The following ARHGAP23 variants were observed in gnomAD, a reference collection of about 807,000 sequenced individuals.
ARHGAP23 encodes rho GTPase-activating protein 23.
Under a neutral mutation model 136.3 loss-of-function variants are expected in ARHGAP23, and 34 were observed. The observed-to-expected ratio is 0.25, with a 90% CI of 0.19 to 0.33. The LOEUF (loss-of-function observed/expected upper bound fraction) is 0.33, where lower values mean the gene tolerates loss of function less well. ARHGAP23 is among the 10% of genes least tolerant of loss of function. The pLI is 1.00. For synonymous variants in ARHGAP23, 832 were observed against 920.5 expected (o/e 0.90, Z 1.74); for missense variants, 1,808 against 2,139.0 (o/e 0.85, Z 3.05).
At position 38,455,509 on chromosome 17, in the gene ARHGAP23, C is replaced by G. The variant is rs945522780; in HGVS notation, c.64-2593C>G. ...CAGGCCCTCCCAGGGAGCAGCCCCC[C>G]CAGGCAGCTGGCAGCTCCAGGCAGG... is the stretch of plus-strand genomic sequence containing the variant. On this transcript the variant is annotated intron_variant, in intron 1 of 23. Coordinates refer to ENST00000622683, the MANE Select transcript of ARHGAP23 (RefSeq NM_001199417.2). 9.8e-5 allele frequency among the ~76,000 whole-genome samples: 15 copies of G among 152,328 alleles called. No homozygotes were observed. In the East Asian group the frequency reaches 1.7e-3, roughly 18 times the overall value.
At chr17:38,457,843 G>T in intron 1 of ARHGAP23, 1 of 571,546 alleles carries the variant, frequency 1.7e-6, no homozygotes, top group Non-Finnish European at 3.1e-6. Flanking sequence ...ACTTGCTTCA[G>T]TGAGTTATTT....
chr17:38,449,030 G>A (rs1258235390), intron 1 of ARHGAP23, among the ~76,000 whole-genome samples: 1 of 152,098 alleles, frequency 6.6e-6, no homozygotes, highest in Admixed American at 6.6e-5. Context: ...TGTTGCCCAG[G>A]CTGGTCTTGA....
intron 18 of ARHGAP23, 114 bp downstream of exon 18, chr17:38,490,289 C>T (rs2040246666): frequency 2.5e-6 from 3 of 1,215,034 alleles, no homozygotes; most frequent in Non-Finnish European, 1.2e-6. Context: ...TGGAGAAGCC[C>T]CGCTCCACTC....
At chr17:38,507,256 CAG>C (rs1238798747) in intron 23 of ARHGAP23, among the ~76,000 whole-genome samples, 2 of 132,184 alleles carry the variant, frequency 1.5e-5, no homozygotes, top group African/African-American at 3.0e-5. Flanking sequence ...GCCTGGGTGA[CAG>C]AGGGAGACTC....
intron 23 of ARHGAP23, among the ~76,000 whole-genome samples, chr17:38,505,296 C>T (rs1462645593): frequency 3.9e-5 from 6 of 151,920 alleles, no homozygotes; most frequent in Non-Finnish European, 5.9e-5. Flanking sequence ...GCATGAGCCA[C>T]GGCACCCCAC....
chr17:38,479,702 G>A (rs1251035356), intron 13 of ARHGAP23, 51 bp from the exon 14 acceptor site: 1 of 1,461,210 alleles, frequency 6.8e-7, no homozygotes. Flanking sequence ...TGGGTGGCCT[G>A]CTTGGCCACC....
intron 23 of ARHGAP23, chr17:38,501,084 G>A (rs2040508188): frequency 6.5e-6 from 1 of 154,020 alleles, no homozygotes. Context: ...AGAGCCTAAA[G>A]CAAGCAGAAG....
chr17:38,425,057 G>A (rs148147979), upstream of ARHGAP23, among the ~76,000 whole-genome samples: 3 of 152,132 alleles, frequency 2.0e-5, no homozygotes, highest in South Asian at 2.1e-4. Flanking sequence ...TTTGCTTGCC[G>A]CCCTCCATTC....
At chr17:38,419,691 A>G (rs2038500193) in intron 1 of ARHGAP23, among the ~76,000 whole-genome samples, 1 of 151,944 alleles carries the variant, frequency 6.6e-6, no homozygotes, top group Non-Finnish European at 1.5e-5. Flanking sequence ...CCAGAAAGAG[A>G]TCACCCACAC....
In ARHGAP23 at chr17:38,512,264, C is replaced by G. The variant is rs774773729; in HGVS notation, c.*1292C>G. 1 of 152,190 alleles carries G rather than the reference C, an allele frequency of 6.6e-6. No individual in the cohort carries two copies. The highest frequency in any genetic ancestry group is 2.4e-5 in the African/African-American group (1 of 41,432). 9.4% of individuals were successfully genotyped at this position (152,190 alleles called of 1,614,324 possible). ...TGGACAAAGCCTTCCACCCCATGTC[C>G]GCATGGCTCCTTTCACTGTGTCCTT... On this transcript the variant is annotated 3_prime_UTR_variant, in exon 24 of 24. Coordinates refer to ENST00000622683, the MANE Select transcript of ARHGAP23 (RefSeq NM_001199417.2).
At chr17:38,495,111 G>A (rs1444586587) in intron 20 of ARHGAP23, among the ~76,000 whole-genome samples, 1 of 152,140 alleles carries the variant, frequency 6.6e-6, no homozygotes, top group African/African-American at 2.4e-5. Context: ...CCTAGAAGGA[G>A]GTACTCACAT....
At position 38,466,426 on chromosome 17, in the gene ARHGAP23, G is replaced by A. The variant is rs1422206637; in HGVS notation, c.743G>A (p.Ser248Asn). 1.3e-6 allele frequency: 2 copies of A among 1,527,288 alleles called. No homozygotes were observed. Among genetic ancestry groups the A allele is most frequent in the East Asian group, 2.5e-5 (1 of 40,698 alleles). The allele number at this position is 1,527,288 out of a possible 1,614,324, so 94.6% of individuals were successfully genotyped here. A position where few individuals can be genotyped will look rare whatever the true frequency, so the allele number is the denominator to read the frequency against. The change falls in exon 7 of 24, where the codon AGC (serine) becomes AAC (asparagine). Residue 248 changes from serine to asparagine, a missense_variant. Physicochemically the swap from Ser to Asn is conservative, Grantham distance 46. This residue lies in a region of ARHGAP23 where 859 missense variants were observed against 936.4 expected (regional missense o/e 0.92). Coordinates refer to ENST00000622683, the MANE Select transcript of ARHGAP23 (RefSeq NM_001199417.2). ...AHLDNSSLGM[S>N]QPRPSPGAFP... is the part of the protein sequence containing the mutation. ...CTGGACAACTCTTCCTTGGGGATGA[G>A]CCAGCCCCGCCCCAGCCCTGGTGCC...
chr17:38,509,646 T>A (rs2144827908), intron 23 of ARHGAP23, among the ~76,000 whole-genome samples: 1 of 152,244 alleles, frequency 6.6e-6, no homozygotes, highest in Admixed American at 6.5e-5. Context: ...ACCAGAGCCG[T>A]GTCTAAAGGA....
rs1024146785 is a variant in ARHGAP23, at chr17:38,508,821, G to A, written c.3448-1123G>A. ...GGGGTAGGTAGGATGCTGTGGTTCC[G>A]GATAGGTGAGTTTTAAGAGCCTACA... On this transcript the variant is annotated intron_variant, in intron 23 of 23. Coordinates refer to ENST00000622683, the MANE Select transcript of ARHGAP23 (RefSeq NM_001199417.2). Among the ~76,000 whole-genome samples, 6 of 152,180 alleles carry A rather than the reference G, an allele frequency of 3.9e-5. No individual in the cohort carries two copies. The East Asian group carries it at 1.2e-3, about 29-fold the overall frequency.
Position 38,458,373 on chromosome 17 carries a change from T to C in ARHGAP23, c.225+110T>C. ...TTTCACCCTCTCAGAGAGGCAGTCC[T>C]TCCTGGGGTCCGGCCTGACTCCCTT... On this transcript the variant is annotated intron_variant, in intron 2 of 23. Coordinates refer to ENST00000622683, the MANE Select transcript of ARHGAP23 (RefSeq NM_001199417.2). 2.9e-6 allele frequency: 4 copies of C among 1,374,164 alleles called. No individual in the cohort carries two copies. In the Admixed American group the frequency reaches 1.2e-4, roughly 40 times the overall value. The allele number at this position is 1,374,164 out of a possible 1,614,324, so 85.1% of individuals were successfully genotyped here.
At chr17:38,465,605 C>T (rs939170857) in intron 6 of ARHGAP23, among the ~76,000 whole-genome samples, 3 of 152,242 alleles carry the variant, frequency 2.0e-5, no homozygotes, top group African/African-American at 7.2e-5. Context: ...GAAGGTGGCT[C>T]AAGTCCCCTC....
In ARHGAP23 at chr17:38,477,796, C is replaced by T; in HGVS notation, c.2336C>T (p.Thr779Ile). ...ETKRRHVFRL[T>I]TADFCEYLFQ... is the part of the protein sequence containing the mutation. ...AAGAGGAGGCACGTGTTCCGGCTGA[C>T]CACCGCTGACTTCTGTGAATATCTC... Residue 779 changes from threonine to isoleucine, a missense_variant, in exon 12 of 24, where the codon ACC becomes ATC. Around this residue, in one of 7 missense-constraint regions of ARHGAP23, gnomAD observed 139 missense variants for 264.3 expected, o/e 0.53. Transcript: ENST00000622683. The surrounding 1 kb of genome is among the most constrained non-coding windows in gnomAD (Gnocchi z 6.6). 1 of 1,550,116 alleles carries T rather than the reference C, an allele frequency of 6.5e-7. No individual in the cohort carries two copies. Among genetic ancestry groups the T allele is most frequent in the Non-Finnish European group, 8.7e-7 (1 of 1,146,502 alleles).
chr17:38,434,580 G>A (rs982954008), intron 1 of ARHGAP23, among the ~76,000 whole-genome samples: 2 of 152,222 alleles, frequency 1.3e-5, no homozygotes, highest in African/African-American at 4.8e-5. Flanking sequence ...TTGGTCGGAG[G>A]TGTGTGGGCC....
intron 1 of ARHGAP23, among the ~76,000 whole-genome samples, chr17:38,439,310 C>G (rs2038870560): frequency 6.6e-6 from 1 of 152,150 alleles, no homozygotes; most frequent in African/African-American, 2.4e-5. Context: ...TCTTTCAATG[C>G]CCAGTTCAAA....
Sources: allele counts gnomAD v4.1 joint callset (sites outside exome capture counted in the v4.1 genomes callset), GRCh38; gene constraint gnomAD v4.1.1; regional missense constraint gnomAD v4.1.1; non-coding constraint Gnocchi (gnomAD v3.1); transcripts MANE v1.5; gene names NCBI Gene and HGNC (gene_info 2026-07-23, HGNC 2026-07-21).